The following TPRG1 variants were observed in gnomAD, a reference collection of about 807,000 sequenced individuals.
The protein encoded by TPRG1 is tumor protein p63-regulated gene 1 protein.
A neutral mutation model predicts 29.3 loss-of-function variants in TPRG1; 29 were observed. That is an observed-to-expected ratio of 0.99 (90% confidence interval 0.74 to 1.35). The LOEUF (loss-of-function observed/expected upper bound fraction) is 1.35. Among genes scored for constraint, TPRG1 ranks in the 40% most tolerant of loss-of-function variants. The pLI is 0.00. For synonymous variants in TPRG1, 130 were observed against 116.8 expected (o/e 1.11, Z -0.73); for missense variants, 327 against 335.0 (o/e 0.98, Z 0.19).
intron 1 of TPRG1, among the ~76,000 whole-genome samples, chr3:189,106,392 G>A (rs1350230918): frequency 6.6e-6 from 1 of 151,822 alleles, no homozygotes; most frequent in Non-Finnish European, 1.5e-5. Flanking sequence ...TAATTATCTT[G>A]TTGCCCCCGA....
intron 4 of TPRG1, among the ~76,000 whole-genome samples, chr3:189,291,002 C>T (rs1304477763): frequency 1.3e-5 from 2 of 152,076 alleles, no homozygotes; most frequent in African/African-American, 2.4e-5. Flanking sequence ...TCCGGGTTCA[C>T]GCCATTCTCC....
In TPRG1 at chr3:189,221,787, A is replaced by G. The variant is rs189826275; in HGVS notation, c.302+6404A>G. Among the ~76,000 whole-genome samples, 7 of 152,162 alleles carry G rather than the reference A, an allele frequency of 4.6e-5. No homozygotes were observed. In the East Asian group the frequency reaches 7.7e-4, roughly 17 times the overall value. On this transcript the variant is annotated intron_variant, in intron 3 of 5. Transcript: ENST00000345063. ...CACCTACTATCCTATGCAATTCTCA[A>G]ACAGACCCATGGGAGAAGGCAGGGA... is the stretch of plus-strand genomic sequence containing the variant.
intron 4 of TPRG1, among the ~76,000 whole-genome samples, chr3:189,089,981 C>A (rs941685430): frequency 4.0e-5 from 6 of 151,716 alleles, no homozygotes; most frequent in African/African-American, 1.5e-4. Flanking sequence ...ATTGATTAAT[C>A]CTAAAATCTA....
At chr3:189,044,602 T>G (rs1194317786) in intron 4 of TPRG1, among the ~76,000 whole-genome samples, 1 of 151,084 alleles carries the variant, frequency 6.6e-6, no homozygotes, top group Admixed American at 6.6e-5. Context: ...AGTTCTGTAT[T>G]TAATATGTAA....
intron 3 of TPRG1, among the ~76,000 whole-genome samples, chr3:189,017,167 G>C (rs1210993428): frequency 2.1e-5 from 3 of 145,768 alleles, no homozygotes; most frequent in African/African-American, 7.6e-5. Context: ...TTGTCTGCCT[G>C]TCTTATTTCA....
intron 1 of TPRG1, among the ~76,000 whole-genome samples, chr3:188,998,114 C>T (rs1711889201): frequency 6.6e-6 from 1 of 151,432 alleles, no homozygotes; most frequent in African/African-American, 2.4e-5. Context: ...AAGAAGTGTT[C>T]TTGCTGCCAT....
chr3:189,175,739 T>C (rs953918663), intron 1 of TPRG1, among the ~76,000 whole-genome samples: 9 of 152,206 alleles, frequency 5.9e-5, no homozygotes, highest in Admixed American at 2.6e-4. Context: ...GAAAGATGGA[T>C]AAAAATATTT....
At chr3:189,141,326 G>A (rs1018896762) in intron 3 of TPRG1, among the ~76,000 whole-genome samples, 1 of 152,142 alleles carries the variant, frequency 6.6e-6, no homozygotes, top group African/African-American at 2.4e-5. Flanking sequence ...GGCACTTTGG[G>A]AGGTCAGGGG....
chr3:189,078,095 T>TTC (rs1350887399), intron 4 of TPRG1, among the ~76,000 whole-genome samples: 1 of 30,018 alleles, frequency 3.3e-5, no homozygotes, highest in Admixed American at 4.1e-4. Flanking sequence ...CTTTCTCTCT[T>TTC]TCTTTCTTTC....
intron 4 of TPRG1, among the ~76,000 whole-genome samples, chr3:189,039,841 A>ATTTT (rs5855238): frequency 1.3e-5 from 2 of 148,862 alleles, no homozygotes; most frequent in African/African-American, 4.9e-5. Context: ...TCTCACTCCT[A>ATTTT]TTTTTTTTTT....
chr3:189,201,536 G>T (rs1733487433), intron 1 of TPRG1, among the ~76,000 whole-genome samples: 1 of 152,146 alleles, frequency 6.6e-6, no homozygotes, highest in Admixed American at 6.5e-5. Flanking sequence ...GAATGACATG[G>T]CTCTTGTGAA....
At chr3:189,186,388 A>G (rs1027486889) in intron 1 of TPRG1, among the ~76,000 whole-genome samples, 5 of 152,206 alleles carry the variant, frequency 3.3e-5, no homozygotes, top group African/African-American at 4.8e-5. Context: ...GAAACCAGAC[A>G]GAAAGTCCCT....
chr3:189,277,967 C>T (rs1462057997), intron 4 of TPRG1, among the ~76,000 whole-genome samples: 2 of 152,168 alleles, frequency 1.3e-5, no homozygotes, highest in African/African-American at 2.4e-5. Flanking sequence ...GCCTCTGAAG[C>T]CACGTCGAAG....
At chr3:189,099,960 A>G (rs959110999), upstream of TPRG1, among the ~76,000 whole-genome samples, 2 of 152,202 alleles carry the variant, frequency 1.3e-5, no homozygotes, top group Admixed American at 6.5e-5. Context: ...TAGGTCCATC[A>G]TGCCTAAATA....
At chr3:189,038,453 T>A (rs1714423200) in intron 4 of TPRG1, among the ~76,000 whole-genome samples, 1 of 152,034 alleles carries the variant, frequency 6.6e-6, no homozygotes, top group Admixed American at 6.6e-5. Flanking sequence ...GCTTGTTAAA[T>A]GGAGAAAAGT....
intron 1 of TPRG1, among the ~76,000 whole-genome samples, chr3:188,998,501 G>C (rs7626337): frequency 0.038 from 5,838 of 152,272 alleles, 366 homozygotes; most frequent in African/African-American, 0.13. Flanking sequence ...TCATGGTAAA[G>C]AATCTGTGTA....
At chr3:189,239,089 CT>C (rs1227409956) in intron 4 of TPRG1, 180 bp downstream of exon 4, 1 of 512,210 alleles carries the variant, frequency 2.0e-6, no homozygotes, top group Non-Finnish European at 3.4e-6. Context: ...AGGGATACAA[CT>C]TTAAGTAAAT....
intron 4 of TPRG1, among the ~76,000 whole-genome samples, chr3:189,272,671 T>C (rs1337742281): frequency 6.8e-6 from 1 of 147,984 alleles, no homozygotes; most frequent in Non-Finnish European, 1.5e-5. Flanking sequence ...TCTTTCTTCC[T>C]TCCTTTCTTT....
intron 3 of TPRG1, among the ~76,000 whole-genome samples, chr3:189,238,111 T>C (rs7627269): frequency 0.11 from 16,017 of 152,274 alleles, 1,590 homozygotes; most frequent in African/African-American, 0.26. Flanking sequence ...TAAACACTTA[T>C]CTAGTTTATC....
Sources: gnomAD v4.1 joint callset for allele counts (sites outside exome capture counted in the v4.1 genomes callset) on GRCh38, gnomAD v4.1.1 for gene constraint, MANE v1.5 for transcripts, NCBI Gene and HGNC (gene_info 2026-07-23, HGNC 2026-07-21) for gene names.